SLC30A9: variants seen among roughly 807,000 people sequenced by gnomAD.
SLC30A9 encodes solute carrier family 30 member 9.
SLC30A9 carries 58 observed loss-of-function variants against 87.5 expected under a neutral mutation model. That is an observed-to-expected ratio of 0.66 (90% CI 0.54 to 0.82). SLC30A9 has a LOEUF of 0.82. Ranked by LOEUF, SLC30A9 falls within the 40% of genes least tolerant of loss-of-function variation. The probability of loss-of-function intolerance (pLI) is 0.00; values close to 1 mark genes in which losing one functional copy is unlikely to be tolerated. For missense variants in SLC30A9, 557 were observed against 679.1 expected (o/e 0.82, Z 2.00); for synonymous variants, 234 against 233.0 (o/e 1.00, Z -0.04).
intron 8 of SLC30A9, among the ~76,000 whole-genome samples, chr4:42,042,355 A>G (rs570791735): frequency 6.6e-6 from 1 of 152,102 alleles, no homozygotes. Flanking sequence ...TTGACATGGG[A>G]TGCTTGAGTT....
At chr4:42,077,010 C>T (rs964189220) in intron 16 of SLC30A9, among the ~76,000 whole-genome samples, 15 of 151,098 alleles carry the variant, frequency 9.9e-5, no homozygotes, top group East Asian at 1.9e-4. Flanking sequence ...CATTCTCACA[C>T]GTTTCCTTGT....
At chr4:42,009,098 A>G (rs1212683046) in intron 2 of SLC30A9, among the ~76,000 whole-genome samples, 1 of 152,216 alleles carries the variant, frequency 6.6e-6, no homozygotes, top group African/African-American at 2.4e-5. Context: ...CTCAGGGGAA[A>G]ATATTTAATA....
At chr4:42,051,606 G>A (rs1717387317) in intron 9 of SLC30A9, among the ~76,000 whole-genome samples, 1 of 152,124 alleles carries the variant, frequency 6.6e-6, no homozygotes, top group Non-Finnish European at 1.5e-5. Flanking sequence ...TATCTGGTGT[G>A]AAAAATTCAC....
chr4:42,033,860 C>G (rs1485346675), intron 6 of SLC30A9, among the ~76,000 whole-genome samples: 3 of 152,206 alleles, frequency 2.0e-5, no homozygotes, highest in Admixed American at 2.0e-4. Context: ...CAGGCATGAG[C>G]CACCGTGCCC....
At chr4:42,040,266 TAC>T (rs1716864709) in intron 8 of SLC30A9, among the ~76,000 whole-genome samples, 1 of 152,188 alleles carries the variant, frequency 6.6e-6, no homozygotes, top group Admixed American at 6.5e-5. Context: ...CCACCAGTAA[TAC>T]AGGGATAGTG....
intron 5 of SLC30A9, 74 bp from the exon 6 acceptor site, chr4:42,023,228 G>A: frequency 9.9e-7 from 1 of 1,009,112 alleles, no homozygotes; most frequent in Non-Finnish European, 1.6e-6. Context: ...TCTCATTAGA[G>A]AATTTAGATT....
intron 11 of SLC30A9, 100 bp downstream of exon 11, chr4:42,063,221 A>T (rs1717936123): frequency 1.9e-6 from 2 of 1,053,670 alleles, no homozygotes; most frequent in Non-Finnish European, 2.8e-6. Flanking sequence ...AGAATGACAT[A>T]CACCTTCTTG....
intron 2 of SLC30A9, among the ~76,000 whole-genome samples, chr4:42,013,719 C>CTAG (rs1715552441): frequency 6.6e-6 from 1 of 152,184 alleles, no homozygotes; most frequent in Non-Finnish European, 1.5e-5. Flanking sequence ...TAGACCCCTT[C>CTAG]TCTCGCCATT....
intron 9 of SLC30A9, among the ~76,000 whole-genome samples, chr4:42,057,116 T>G (rs999769124): frequency 1.3e-5 from 2 of 152,168 alleles, no homozygotes; most frequent in Non-Finnish European, 2.9e-5. Context: ...TGGCATTGAG[T>G]GTCTGTGGCT....
At chr4:42,054,336 C>A (rs189933274) in intron 9 of SLC30A9, among the ~76,000 whole-genome samples, 14 of 152,022 alleles carry the variant, frequency 9.2e-5, no homozygotes, top group African/African-American at 2.9e-4. Context: ...CCAGCCTGGG[C>A]GACAGAACTA....
At chr4:42,012,480 G>T in intron 2 of SLC30A9, among the ~76,000 whole-genome samples, 1 of 152,108 alleles carries the variant, frequency 6.6e-6, no homozygotes, top group Non-Finnish European at 1.5e-5. Context: ...AAAATTTTGG[G>T]AGGTACATAG....
Position 42,066,657 on chromosome 4 carries a change from CCCTT to C in SLC30A9, c.1144+37_1144+40del, listed in dbSNP as rs1480854048. ...TAGAAACCAAGTGTTTGTTTCACCT[CCCTT>C]ATTTGCTTAAAATTACTTAGTACTG... On this transcript the variant is annotated intron_variant, in intron 13 of 17. Coordinates refer to ENST00000264451, the MANE Select transcript of SLC30A9 (RefSeq NM_006345.4). 2.9e-6 allele frequency: 4 copies of C among 1,398,880 alleles called. No homozygotes were observed. In the South Asian group the frequency reaches 4.8e-5, roughly 17 times the overall value. The allele number at this position is 1,398,880 out of a possible 1,614,324, so 86.7% of individuals were successfully genotyped here. A position where few individuals can be genotyped will look rare whatever the true frequency, so the allele number is the denominator to read the frequency against.
intron 17 of SLC30A9, among the ~76,000 whole-genome samples, chr4:42,084,006 C>A (rs10805099): frequency 2.0e-5 from 3 of 152,126 alleles, no homozygotes; most frequent in South Asian, 4.1e-4. Flanking sequence ...AATATTCTGC[C>A]AGATTTTGTT....
chr4:42,010,131 A>T (rs188147182), intron 2 of SLC30A9, among the ~76,000 whole-genome samples: 111 of 152,348 alleles, frequency 7.3e-4, no homozygotes, highest in Non-Finnish European at 1.3e-3. Context: ...GGATTTGGCA[A>T]ACACTTAAAG....
chr4:42,044,103 A>G lies in SLC30A9; in HGVS notation c.737+5050A>G, dbSNP rs564699570. 3.2e-3 allele frequency among the ~76,000 whole-genome samples: 485 copies of G among 152,302 alleles called. 1 individual carries two copies. Among genetic ancestry groups the G allele is most frequent in the African/African-American group, 0.011 (464 of 41,544 alleles). The stretch of plus-strand genomic sequence containing the variant: ...AAAACTGGTACCAGCCACTGCAAAA[A>G]CATACCAAATTGTAAAGACCATTGA... On this transcript the variant is annotated intron_variant, in intron 8 of 17. Transcript: ENST00000264451.
At chr4:42,002,300 G>T (rs1003224254) in intron 2 of SLC30A9, among the ~76,000 whole-genome samples, 1 of 151,808 alleles carries the variant, frequency 6.6e-6, no homozygotes, top group East Asian at 1.9e-4. Context: ...TTAGATTCAG[G>T]AGGGTACATG....
At chr4:42,077,565 G>A (rs1226093393) in intron 16 of SLC30A9, among the ~76,000 whole-genome samples, 5 of 151,786 alleles carry the variant, frequency 3.3e-5, no homozygotes, top group Admixed American at 2.6e-4. Flanking sequence ...GACCACACCC[G>A]GTTAATTTTT....
In SLC30A9 at chr4:42,063,033, T is replaced by G. The variant is rs749220292; in HGVS notation, c.944T>G (p.Val315Gly). The change falls in exon 11 of 18, where the codon GTT (valine) becomes GGT (glycine). Residue 315 changes from valine (V) to glycine (G), a missense_variant. Physicochemically the swap from Val to Gly is moderately radical, Grantham distance 109 (BLOSUM62 -3). Coordinates refer to ENST00000264451, the MANE Select transcript of SLC30A9 (RefSeq NM_006345.4). ...MRYISSLISGVGIFMMGAGLS... is the reference protein window; with the variant it reads ...MRYISSLISGGGIFMMGAGLS... ...TATATTTCTTCGCTAATTAGTGGTG[T>G]TGGTATTTTCATGATGGGTGCAGGA... is the stretch of plus-strand genomic sequence containing the variant. 1 of 1,613,566 alleles carries G rather than the reference T, an allele frequency of 6.2e-7. No homozygotes were observed. The highest frequency in any genetic ancestry group is 2.2e-5 in the East Asian group (1 of 44,840).
chr4:41,994,494 A>C (rs1310579912), intron 1 of SLC30A9, among the ~76,000 whole-genome samples: 2 of 151,592 alleles, frequency 1.3e-5, no homozygotes, highest in Admixed American at 1.3e-4. Flanking sequence ...ATACTAGATG[A>C]ACACTGAAAT....
Sources: allele counts gnomAD v4.1 joint callset (sites outside exome capture counted in the v4.1 genomes callset), GRCh38; gene constraint gnomAD v4.1.1; transcripts MANE v1.5; gene names NCBI Gene and HGNC (gene_info 2026-07-23, HGNC 2026-07-21).